Variants in XYLT1 observed in about 807,000 individuals in gnomAD.
The protein encoded by XYLT1 is xylosyltransferase 1.
XYLT1 carries 36 observed loss-of-function variants against 91.3 expected under a neutral mutation model. The ratio of observed to expected loss-of-function variants is 0.39; its 90% CI spans 0.30 to 0.52. XYLT1 has a LOEUF of 0.52. Among genes scored for constraint, XYLT1 ranks in the 20% least tolerant of loss-of-function variants. The pLI is 0.68. For synonymous variants in XYLT1, 588 were observed against 532.0 expected (o/e 1.11, Z -1.45); for missense variants, 1,242 against 1,284.5 (o/e 0.97, Z 0.51).
intron 2 of XYLT1, among the ~76,000 whole-genome samples, chr16:17,291,387 T>C (rs1437523897): frequency 6.6e-6 from 1 of 152,194 alleles, no homozygotes; most frequent in Non-Finnish European, 1.5e-5. Flanking sequence ...GCTGAGGTTA[T>C]TTCCCATTAC....
At chr16:17,204,543 C>T (rs75116035) in intron 3 of XYLT1, among the ~76,000 whole-genome samples, 2,183 of 149,736 alleles carry the variant, frequency 0.015, 24 homozygotes, top group East Asian at 0.054. Flanking sequence ...AATAGAGATG[C>T]GGATGGGGAT....
At chr16:17,177,729 G>A (rs2031975970) in intron 5 of XYLT1, among the ~76,000 whole-genome samples, 1 of 152,148 alleles carries the variant, frequency 6.6e-6, no homozygotes, top group South Asian at 2.1e-4. Context: ...ATTACAGGAG[G>A]GGAGCCCAGA....
intron 1 of XYLT1, among the ~76,000 whole-genome samples, chr16:17,423,085 C>T (rs2036268848): frequency 6.6e-6 from 1 of 152,184 alleles, no homozygotes; most frequent in African/African-American, 2.4e-5. Context: ...TTTGACGGAA[C>T]AATGTGATTA....
At chr16:17,233,743 G>C (rs1015418902) in intron 3 of XYLT1, among the ~76,000 whole-genome samples, 1 of 152,246 alleles carries the variant, frequency 6.6e-6, no homozygotes, top group East Asian at 1.9e-4. Context: ...AGGCAAGGGA[G>C]CCTGGGGCTT....
intron 10 of XYLT1, among the ~76,000 whole-genome samples, chr16:17,119,099 C>T (rs932240109): frequency 6.6e-6 from 1 of 152,144 alleles, no homozygotes; most frequent in African/African-American, 2.4e-5. Flanking sequence ...TTATCTCCTC[C>T]AGCTGTAATA....
chr16:17,127,961 T>C (rs1009561036), intron 9 of XYLT1, 100 bp from the exon 10 acceptor site: 1 of 1,065,540 alleles, frequency 9.4e-7, no homozygotes, highest in South Asian at 1.6e-5. Context: ...GCAGTCCCCA[T>C]TGTGCACAAT....
At chr16:17,395,518 T>A (rs1010508349) in intron 1 of XYLT1, among the ~76,000 whole-genome samples, 2 of 152,090 alleles carry the variant, frequency 1.3e-5, no homozygotes. Flanking sequence ...TCTAAAAAAA[T>A]AAAAATAATC....
intron 1 of XYLT1, chr16:17,446,275 A>T (rs371062706): frequency 6.6e-6 from 1 of 152,242 alleles, no homozygotes; most frequent in East Asian, 1.9e-4. Flanking sequence ...AAATACATAC[A>T]TAAATAAAGA....
At chr16:17,265,363 G>A (rs995046439) in intron 2 of XYLT1, among the ~76,000 whole-genome samples, 1 of 152,098 alleles carries the variant, frequency 6.6e-6, no homozygotes, top group Non-Finnish European at 1.5e-5. Context: ...GAGGACAGAT[G>A]GGTTATTATT....
At chr16:17,143,001 C>T (rs928480357) in intron 6 of XYLT1, among the ~76,000 whole-genome samples, 1 of 152,144 alleles carries the variant, frequency 6.6e-6, no homozygotes, top group African/African-American at 2.4e-5. Flanking sequence ...ATAACTCCTA[C>T]TGTAGTAACT....
chr16:17,343,629 C>T (rs1328752490), intron 2 of XYLT1, among the ~76,000 whole-genome samples: 1 of 152,140 alleles, frequency 6.6e-6, no homozygotes, highest in Non-Finnish European at 1.5e-5. Context: ...GGCCACTACA[C>T]GCAGATTATG....
chr16:17,187,612 A>G (rs1488885509), intron 5 of XYLT1, among the ~76,000 whole-genome samples: 1 of 141,578 alleles, frequency 7.1e-6, no homozygotes, highest in Non-Finnish European at 1.5e-5. Flanking sequence ...GGTCAATTTT[A>G]TTTTAAGTGT....
chr16:17,313,223 T>C (rs2034576903), intron 2 of XYLT1, among the ~76,000 whole-genome samples: 1 of 152,200 alleles, frequency 6.6e-6, no homozygotes, highest in South Asian at 2.1e-4. Flanking sequence ...CCTGGAGCCC[T>C]GGCAACTTCA....
intron 2 of XYLT1, among the ~76,000 whole-genome samples, chr16:17,291,953 G>A (rs1427932046): frequency 2.6e-5 from 4 of 152,050 alleles, no homozygotes; most frequent in East Asian, 3.9e-4. Flanking sequence ...TAGGGAGGCC[G>A]AGACCTGTGG....
intron 6 of XYLT1, among the ~76,000 whole-genome samples, chr16:17,152,816 G>C (rs998847505): frequency 2.6e-5 from 4 of 152,154 alleles, no homozygotes; most frequent in African/African-American, 9.7e-5. Context: ...CTACCTGCCT[G>C]GCTTTCTTAT....
chr16:17,357,518 C>A (rs756047220), intron 2 of XYLT1, among the ~76,000 whole-genome samples: 2 of 152,164 alleles, frequency 1.3e-5, no homozygotes, highest in Non-Finnish European at 2.9e-5. Flanking sequence ...CCTCCCCACA[C>A]GGAAATGCCA....
chr16:17,294,691 C>T (rs930018788), intron 2 of XYLT1, among the ~76,000 whole-genome samples: 1 of 152,130 alleles, frequency 6.6e-6, no homozygotes, highest in Non-Finnish European at 1.5e-5. Context: ...CCTTATCTTT[C>T]CCCCACCTAG....
chr16:17,204,399 C>G (rs529504081), intron 3 of XYLT1, among the ~76,000 whole-genome samples: 6 of 150,392 alleles, frequency 4.0e-5, no homozygotes, highest in Non-Finnish European at 8.9e-5. Flanking sequence ...TTGGGTCAGA[C>G]AGTTAGTCTG....
chr16:17,222,900 G>A (rs563160568), intron 3 of XYLT1, among the ~76,000 whole-genome samples: 7 of 151,232 alleles, frequency 4.6e-5, no homozygotes, highest in Admixed American at 6.6e-5. Flanking sequence ...GCCGCTCTTC[G>A]TGAACCACAC....
Sources: gnomAD v4.1 joint callset for allele counts (sites outside exome capture counted in the v4.1 genomes callset) on GRCh38, gnomAD v4.1.1 for gene constraint, MANE v1.5 for transcripts, NCBI Gene and HGNC (gene_info 2026-07-23, HGNC 2026-07-21) for gene names.